TMCO1: variants seen among roughly 807,000 people sequenced by gnomAD.
TMCO1 encodes the protein calcium load-activated calcium channel.
A neutral mutation model predicts 29.3 loss-of-function variants in TMCO1; 29 were observed. That is an observed-to-expected ratio of 0.99 (90% confidence interval 0.74 to 1.35). TMCO1 has a LOEUF of 1.35. Ranked by LOEUF, TMCO1 falls within the 40% of genes most tolerant of loss-of-function variation. The probability of loss-of-function intolerance (pLI) is 0.00; values close to 1 mark genes in which losing one functional copy is unlikely to be tolerated. For synonymous variants in TMCO1, 80 were observed against 77.1 expected, an observed-to-expected ratio of 1.04 and a Z score of -0.20; for missense variants, 173 against 225.5, an observed-to-expected ratio of 0.77 and a Z score of 1.49.
At chr1:165,751,994 G>T in intron 5 of TMCO1, 108 bp downstream of exon 5, 2 of 908,804 alleles carry the variant, frequency 2.2e-6, no homozygotes, top group Non-Finnish European at 3.5e-6. Context: ...TTTTCTTTAA[G>T]TTTGAAATTA....
chr1:165,759,385 A>T (rs1652315315), intron 3 of TMCO1, 140 bp downstream of exon 3: 1 of 668,668 alleles, frequency 1.5e-6, no homozygotes, highest in Non-Finnish European at 2.6e-6. Context: ...ATCAAGTGAG[A>T]TAAAGTATGC....
Position 165,727,213 on chromosome 1 carries a change from GC to G in TMCO1, c.*809del, listed in dbSNP as rs1354269830. ...TTGTCTCCAAGGGAGATCTAAGAGT[GC>G]CCCCACAAGAATCTGAGAGACTGTA... On this transcript the variant is annotated 3_prime_UTR_variant, in exon 7 of 7. Coordinates refer to ENST00000367881, the MANE Select transcript of TMCO1 (RefSeq NM_019026.6). 1 of 453,958 alleles carries G rather than the reference GC, an allele frequency of 2.2e-6. No individual in the cohort carries two copies. Among genetic ancestry groups the G allele is most frequent in the South Asian group, 1.6e-5 (1 of 64,464 alleles). 28.1% of individuals were successfully genotyped at this position (453,958 alleles called of 1,614,324 possible). A position where few individuals can be genotyped will look rare whatever the true frequency, so the allele number is the denominator to read the frequency against.
intron 3 of TMCO1, among the ~76,000 whole-genome samples, chr1:165,758,113 C>A (rs1480564908): frequency 6.6e-6 from 1 of 152,140 alleles, no homozygotes; most frequent in Non-Finnish European, 1.5e-5. Context: ...GCACTAATAA[C>A]CTCCATTTCT....
intron 2 of TMCO1, among the ~76,000 whole-genome samples, chr1:165,767,132 T>C (rs779557331): frequency 2.0e-5 from 3 of 152,224 alleles, no homozygotes; most frequent in Admixed American, 2.0e-4. Flanking sequence ...GGAGGTAATA[T>C]TTATACGAGT....
At position 165,727,733 on chromosome 1, in the gene TMCO1, T is replaced by C. The variant is rs1055032503; in HGVS notation, c.*290A>G. 3 of 457,628 alleles carry C rather than the reference T, an allele frequency of 6.6e-6. No individual in the cohort carries two copies. Among genetic ancestry groups the C allele is most frequent in the Non-Finnish European group, 1.3e-5 (3 of 229,378 alleles). 28.3% of individuals were successfully genotyped at this position (457,628 alleles called of 1,614,324 possible). A position where few individuals can be genotyped will look rare whatever the true frequency, so the allele number is the denominator to read the frequency against. ...CCTTGAGAGTCGGTCCCACAGAAAATACTTATGTAAATGAAACAAGAAGGA... is the reference window on the plus strand; with the variant it reads ...CCTTGAGAGTCGGTCCCACAGAAAACACTTATGTAAATGAAACAAGAAGGA... On this transcript the variant is annotated 3_prime_UTR_variant, in exon 7 of 7. Coordinates refer to ENST00000367881, the MANE Select transcript of TMCO1 (RefSeq NM_019026.6).
At chr1:165,768,069 T>C in intron 2 of TMCO1, 123 bp downstream of exon 2, 1 of 859,022 alleles carries the variant, frequency 1.2e-6, no homozygotes, top group Non-Finnish European at 1.9e-6. Context: ...GTCTTCTATT[T>C]CTAAATAGGC....
intron 5 of TMCO1, among the ~76,000 whole-genome samples, chr1:165,744,474 A>G (rs780445096): frequency 2.0e-5 from 3 of 152,150 alleles, no homozygotes; most frequent in Non-Finnish European, 4.4e-5. Context: ...ATTAGGAGAG[A>G]AGTTATGTGT....
At chr1:165,752,495 C>A (rs550138957) in intron 4 of TMCO1, among the ~76,000 whole-genome samples, 30 of 151,594 alleles carry the variant, frequency 2.0e-4, no homozygotes, top group Middle Eastern at 3.4e-3. Context: ...GACCTTGTGA[C>A]CCCCCCGCCT....
chr1:165,764,701 T>TGGTAC (rs1023811043), intron 2 of TMCO1, among the ~76,000 whole-genome samples: 1 of 151,778 alleles, frequency 6.6e-6, no homozygotes, highest in Non-Finnish European at 1.5e-5. Flanking sequence ...GAAGGGAGGG[T>TGGTAC]GGTACTGTGC....
At chr1:165,739,480 C>T (rs1651507008) in intron 6 of TMCO1, among the ~76,000 whole-genome samples, 1 of 152,006 alleles carries the variant, frequency 6.6e-6, no homozygotes, top group African/African-American at 2.4e-5. Context: ...CTCCACCTCC[C>T]GGGCTCAAGC....
In TMCO1 at chr1:165,768,713, A is replaced by G; in HGVS notation, c.39T>C (p.Phe13=). Residue 13 remains phenylalanine (F), a synonymous_variant, in exon 1 of 7, where the codon TTT becomes TTC. Transcript: ENST00000367881. ...CGAGCAGAGCCGTGCACACAGAGAT[A>G]AAAACGATGAGGAGAGTGTCCGCGA... ...TMFADTLLIV[F]ISVCTALLAE... is the part of the protein sequence containing the mutation. 1 of 1,614,126 alleles carries G rather than the reference A, an allele frequency of 6.2e-7. No homozygotes were observed. The highest frequency in any genetic ancestry group is 1.3e-5 in the African/African-American group (1 of 75,012).
At position 165,735,635 on chromosome 1, in the gene TMCO1, C is replaced by G. The variant is rs147474234; in HGVS notation, c.469-7514G>C. Among the ~76,000 whole-genome samples the G allele has an allele frequency of 2.0e-5, 3 of 151,994 alleles. No individual in the cohort carries two copies. The East Asian group carries it at 5.8e-4, about 30-fold the overall frequency. ...GTTCAAGCGATTCTCATGCCTCAGC[C>G]TCCTGAGTATCTGGGATTACAGACA... On this transcript the variant is annotated intron_variant, in intron 6 of 6. Transcript: ENST00000367881.
chr1:165,725,012 CTCTCTCTCTCTCTATATATATATA>C (rs1650802163), downstream of TMCO1: 2 of 243,806 alleles, frequency 8.2e-6, no homozygotes, highest in African/African-American at 8.1e-5. Flanking sequence ...CTCTCTCTCT[CTCTCTCTCTCTCTATATATATATA>C]TATATATATA....
intron 5 of TMCO1, among the ~76,000 whole-genome samples, chr1:165,750,572 A>C (rs1245939087): frequency 6.6e-6 from 1 of 151,616 alleles, no homozygotes; most frequent in Non-Finnish European, 1.5e-5. Context: ...AAAAAAGTAC[A>C]TCCATTCAAT....
intron 2 of TMCO1, among the ~76,000 whole-genome samples, chr1:165,763,529 A>G (rs967300492): frequency 6.6e-6 from 1 of 152,188 alleles, no homozygotes; most frequent in Non-Finnish European, 1.5e-5. Flanking sequence ...CCAATCATCA[A>G]CCTACCTCAT....
intron 4 of TMCO1, among the ~76,000 whole-genome samples, chr1:165,753,944 T>C (rs559993775): frequency 1.0e-3 from 156 of 151,854 alleles, no homozygotes; most frequent in Non-Finnish European, 1.9e-3. Flanking sequence ...AAAAAGAAAA[T>C]AAACTACTTC....
chr1:165,768,873 G>A (rs1288692026), upstream of TMCO1: 1 of 1,560,038 alleles, frequency 6.4e-7, no homozygotes, highest in East Asian at 2.4e-5. Context: ...AACTCTGACA[G>A]CCCGAAGATC....
chr1:165,754,587 G>T (rs961301651), intron 3 of TMCO1, among the ~76,000 whole-genome samples: 1 of 152,110 alleles, frequency 6.6e-6, no homozygotes, highest in Non-Finnish European at 1.5e-5. Context: ...CAGTTAATTT[G>T]TAAGTATAAC....
intron 5 of TMCO1, among the ~76,000 whole-genome samples, chr1:165,747,267 CAAAAAAAAAAAA>C (rs137894882): frequency 3.7e-5 from 3 of 81,970 alleles, no homozygotes; most frequent in African/African-American, 5.0e-5. Context: ...GGCTCTGTCT[CAAAAAAAAAAAA>C]AAAAAAAAAA....
Sources: allele counts gnomAD v4.1 joint callset (sites outside exome capture counted in the v4.1 genomes callset), GRCh38; gene constraint gnomAD v4.1.1; transcripts MANE v1.5; gene names NCBI Gene and HGNC (gene_info 2026-07-23, HGNC 2026-07-21).